The following RBFOX1 variants were observed in gnomAD, a reference collection of about 807,000 sequenced individuals.
RBFOX1 encodes the protein RNA binding fox-1 homolog 1, also known as RNA binding protein fox-1 homolog 1.
Under a neutral mutation model 57.7 loss-of-function variants are expected in RBFOX1, and 8 were observed. The ratio of observed to expected loss-of-function variants is 0.14; its 90% CI spans 0.08 to 0.25. RBFOX1 has a LOEUF of 0.25. RBFOX1 is among the 10% of genes least tolerant of loss of function. The pLI is 1.00. For missense variants in RBFOX1, 611 were observed against 548.5 expected, an observed-to-expected ratio of 1.11 and a Z score of -1.14; for synonymous variants, 326 against 222.4, an observed-to-expected ratio of 1.47 and a Z score of -4.15.
At chr16:5,334,258 G>C (rs1303299595) in intron 1 of RBFOX1, among the ~76,000 whole-genome samples, 2 of 152,204 alleles carry the variant, frequency 1.3e-5, no homozygotes, top group African/African-American at 4.8e-5. Flanking sequence ...TCTGCTCAGG[G>C]AGGGGTTTGG....
At chr16:7,302,395 A>G (rs541869640) in intron 4 of RBFOX1, among the ~76,000 whole-genome samples, 32 of 152,210 alleles carry the variant, frequency 2.1e-4, no homozygotes, top group African/African-American at 7.2e-4. Context: ...CTGGGTTCAG[A>G]GCCTTCATTT....
At chr16:6,978,426 G>A (rs1355199952) in intron 3 of RBFOX1, among the ~76,000 whole-genome samples, 7 of 152,096 alleles carry the variant, frequency 4.6e-5, no homozygotes, top group Non-Finnish European at 1.0e-4. Context: ...ATGATATCTG[G>A]AAGAATAGTT....
chr16:6,016,752 G>C (rs1455118736), upstream of RBFOX1, among the ~76,000 whole-genome samples: 2 of 152,142 alleles, frequency 1.3e-5, no homozygotes, highest in African/African-American at 4.8e-5. Context: ...GGTTGTCCTG[G>C]GAGCTGTCAA....
chr16:6,984,333 T>C (rs529344353), intron 3 of RBFOX1, among the ~76,000 whole-genome samples: 39 of 152,270 alleles, frequency 2.6e-4, no homozygotes, highest in South Asian at 1.0e-3. Flanking sequence ...CTGTGAAATA[T>C]GATGGTATCA....
chr16:7,516,553 T>A (rs1482790875), intron 4 of RBFOX1, among the ~76,000 whole-genome samples: 2 of 152,174 alleles, frequency 1.3e-5, no homozygotes, highest in Non-Finnish European at 2.9e-5. Context: ...TAACTGCTCA[T>A]GGATAGCAAC....
intron 2 of RBFOX1, among the ~76,000 whole-genome samples, chr16:6,535,481 C>G (rs1489409238): frequency 3.3e-5 from 5 of 152,192 alleles, no homozygotes; most frequent in African/African-American, 7.2e-5. Flanking sequence ...AAACCATCAG[C>G]TTAGTGTTTT....
At position 6,125,207 on chromosome 16, in the gene RBFOX1, C is replaced by T. The variant is rs527758717; in HGVS notation, c.-127+105215C>T. On this transcript the variant is annotated intron_variant, in intron 1 of 15. Coordinates refer to ENST00000550418, the MANE Select transcript of RBFOX1 (RefSeq NM_018723.4). ...CTCTTACAGTCATATCTTTGTCAAG[C>T]CCCCAAATCCTTAAGTTCCCTACAA... Among the ~76,000 whole-genome samples the T allele has an allele frequency of 2.2e-4, 34 of 152,270 alleles. 1 individual carries two copies. The South Asian group carries it at 6.4e-3, about 29-fold the overall frequency.
At chr16:7,145,515 C>G (rs1253060995) in intron 4 of RBFOX1, among the ~76,000 whole-genome samples, 1 of 150,948 alleles carries the variant, frequency 6.6e-6, no homozygotes, top group Non-Finnish European at 1.5e-5. Flanking sequence ...GCTTCTTCCC[C>G]TTTTGCCATG....
chr16:7,552,841 CCCGG>C (rs1223731975), intron 5 of RBFOX1, among the ~76,000 whole-genome samples: 6 of 152,018 alleles, frequency 3.9e-5, no homozygotes, highest in Non-Finnish European at 5.9e-5. Flanking sequence ...TGCCACAACC[CCCGG>C]CTAATTTTTG....
In RBFOX1 at chr16:6,110,787, C is replaced by T. The variant is rs74004750; in HGVS notation, c.-127+90795C>T. Among the ~76,000 whole-genome samples, 652 of 152,288 alleles carry T rather than the reference C, an allele frequency of 4.3e-3. 8 individuals are homozygous for T. Among genetic ancestry groups the T allele is most frequent in the East Asian group, 0.017 (87 of 5,162 alleles). ...CCATGCCTTGAGACCTATTTCACTG[C>T]TGCAACCAGGGAGGCAGTGCTGCTG... On this transcript the variant is annotated intron_variant, in intron 1 of 15. Transcript: ENST00000550418.
intron 3 of RBFOX1, among the ~76,000 whole-genome samples, chr16:6,691,149 A>G (rs1383157119): frequency 6.6e-6 from 1 of 152,126 alleles, no homozygotes; most frequent in African/African-American, 2.4e-5. Flanking sequence ...AAATCTCCCA[A>G]CCATGTCTTT....
At chr16:7,694,805 G>A in intron 14 of RBFOX1, among the ~76,000 whole-genome samples, 1 of 152,140 alleles carries the variant, frequency 6.6e-6, no homozygotes, top group Non-Finnish European at 1.5e-5. Flanking sequence ...AGACCGCTTG[G>A]AATGGGAGGT....
intron 2 of RBFOX1, among the ~76,000 whole-genome samples, chr16:6,641,838 C>T (rs1235233952): frequency 6.6e-6 from 1 of 151,316 alleles, no homozygotes; most frequent in Non-Finnish European, 1.5e-5. Flanking sequence ...GCTCCCTCCT[C>T]GCTAACGTGT....
intron 2 of RBFOX1, among the ~76,000 whole-genome samples, chr16:6,346,854 A>G (rs1309389038): frequency 6.6e-6 from 1 of 152,056 alleles, no homozygotes; most frequent in Admixed American, 6.6e-5. Context: ...TCTTGACAAG[A>G]CAGAGTTTTC....
intron 3 of RBFOX1, among the ~76,000 whole-genome samples, chr16:5,866,289 G>A (rs933148893): frequency 1.2e-4 from 19 of 152,122 alleles, no homozygotes; most frequent in African/African-American, 4.6e-4. Context: ...TCTTTGATGG[G>A]CACTAATCCC....
chr16:5,752,360 C>T (rs1175153472), intron 3 of RBFOX1, among the ~76,000 whole-genome samples: 3 of 152,172 alleles, frequency 2.0e-5, no homozygotes, highest in Non-Finnish European at 4.4e-5. Flanking sequence ...ATGAAATAGT[C>T]TGTACAGGAA....
At chr16:6,693,974 A>C (rs1376393099) in intron 3 of RBFOX1, among the ~76,000 whole-genome samples, 1 of 152,224 alleles carries the variant, frequency 6.6e-6, no homozygotes, top group Non-Finnish European at 1.5e-5. Flanking sequence ...AGATGACAAA[A>C]CCAAGGTAAC....
chr16:7,256,646 C>T (rs2094697461), intron 4 of RBFOX1, among the ~76,000 whole-genome samples: 2 of 152,124 alleles, frequency 1.3e-5, no homozygotes, highest in Admixed American at 1.3e-4. Context: ...AATTTCTTAC[C>T]CTCTTGTAAC....
At chr16:6,869,967 A>G (rs926246943) in intron 3 of RBFOX1, among the ~76,000 whole-genome samples, 2 of 152,186 alleles carry the variant, frequency 1.3e-5, no homozygotes, top group Non-Finnish European at 2.9e-5. Flanking sequence ...CTTAGGACCT[A>G]TAAAATAAGG....
Sources: allele counts gnomAD v4.1 joint callset (sites outside exome capture counted in the v4.1 genomes callset), GRCh38; gene constraint gnomAD v4.1.1; transcripts MANE v1.5; gene names NCBI Gene and HGNC (gene_info 2026-07-23, HGNC 2026-07-21).